The following MEGF9 variants were observed in gnomAD, a reference collection of about 807,000 sequenced individuals.
MEGF9 encodes the protein multiple epidermal growth factor-like domains protein 9.
In MEGF9, 6 loss-of-function variants were observed where a neutral mutation model predicts 46.8. That is an observed-to-expected ratio of 0.13 (90% confidence interval 0.07 to 0.25). MEGF9 has a LOEUF of 0.25. Among genes scored for constraint, MEGF9 ranks in the 10% least tolerant of loss-of-function variants. The pLI is 1.00. For missense variants in MEGF9, 683 were observed against 792.4 expected (o/e 0.86, Z 1.66); for synonymous variants, 302 against 330.7 (o/e 0.91, Z 0.94).
chr9:120,612,189 T>C (rs536887351), intron 4 of MEGF9, among the ~76,000 whole-genome samples: 2 of 152,304 alleles, frequency 1.3e-5, no homozygotes, highest in African/African-American at 4.8e-5. Flanking sequence ...CATTAACTCA[T>C]TATGCAGGTT....
At chr9:120,665,074 A>C (rs1344251323) in intron 1 of MEGF9, among the ~76,000 whole-genome samples, 1 of 152,170 alleles carries the variant, frequency 6.6e-6, no homozygotes, top group Non-Finnish European at 1.5e-5. Context: ...ACAGTTAACT[A>C]TATTTACCCT....
Position 120,607,972 on chromosome 9 carries a change from C to T in MEGF9, c.1126G>A (p.Asp376Asn). 6.2e-7 allele frequency: 1 copy of T among 1,614,004 alleles called. No individual in the cohort carries two copies. Among genetic ancestry groups the T allele is most frequent in the Non-Finnish European group, 8.5e-7 (1 of 1,179,860 alleles). ...ELEPECDQCK[D>N]GYIGPNCNKC... ...TTGCAGTTCGGGCCTATGTAACCAT[C>T]TTTACACTGGTCACATTCAGGTTCC... Residue 376 changes from aspartate (D) to asparagine (N), a missense_variant, in exon 5 of 6, where the codon GAT becomes AAT. By Grantham distance (23) the Asp-to-Asn change is conservative. Transcript: ENST00000373930.
chr9:120,699,356 C>CTT (rs2043892409), intron 1 of MEGF9, among the ~76,000 whole-genome samples: 1 of 151,802 alleles, frequency 6.6e-6, no homozygotes. Flanking sequence ...TATGGGACAG[C>CTT]TTTTTTCTCT....
At chr9:120,607,662 T>G in intron 5 of MEGF9, 79 bp downstream of exon 5, 8 of 1,468,758 alleles carry the variant, frequency 5.4e-6, no homozygotes, top group Non-Finnish European at 6.6e-6. Flanking sequence ...CTGGTAGGGT[T>G]AGAAGGTTTT....
intron 1 of MEGF9, among the ~76,000 whole-genome samples, chr9:120,683,289 T>C (rs1214190695): frequency 6.6e-6 from 1 of 152,184 alleles, no homozygotes; most frequent in Non-Finnish European, 1.5e-5. Context: ...TCATTCTGAT[T>C]TACCCAAAAA....
chr9:120,623,967 T>C (rs917397339), intron 2 of MEGF9, among the ~76,000 whole-genome samples: 1 of 152,254 alleles, frequency 6.6e-6, no homozygotes, highest in East Asian at 1.9e-4. Flanking sequence ...ATGATGGTGT[T>C]TGCCTAACCC....
rs763029660 is a variant in MEGF9, at chr9:120,714,126, G to A, written c.233C>T (p.Pro78Leu). Residue 78 changes from proline (P) to leucine (L), a missense_variant, in exon 1 of 6, where the codon CCG becomes CTG. This residue lies in a region of MEGF9 where 370 missense variants were observed against 371.3 expected (regional missense o/e 1.00). Coordinates refer to ENST00000373930, the MANE Select transcript of MEGF9 (RefSeq NM_001080497.3). The stretch of plus-strand genomic sequence containing the variant: ...GGTGGCGCGCGGGGGCCCGGTCCTC[G>A]GGGCCTGGGCCGTGGGAGCCGTCGC... ...PRATAPTAQA[P>L]RTGPPRATVH... 8.1e-7 allele frequency: 1 copy of A among 1,241,560 alleles called. No individual in the cohort carries two copies. The allele number at this position is 1,241,560 out of a possible 1,614,324, so 76.9% of individuals were successfully genotyped here. A position where few individuals can be genotyped will look rare whatever the true frequency, so the allele number is the denominator to read the frequency against.
intron 1 of MEGF9, among the ~76,000 whole-genome samples, chr9:120,709,571 G>A (rs1211037547): frequency 2.6e-5 from 4 of 152,168 alleles, no homozygotes; most frequent in African/African-American, 9.7e-5. Context: ...TGTAAGAGCT[G>A]TCATGGCACA....
intron 2 of MEGF9, among the ~76,000 whole-genome samples, chr9:120,651,654 A>AT (rs201065785): frequency 0.044 from 6,209 of 142,094 alleles, 339 homozygotes; most frequent in African/African-American, 0.13. Flanking sequence ...GTATAATAGG[A>AT]TTTTTTTTTT....
intron 2 of MEGF9, among the ~76,000 whole-genome samples, chr9:120,623,766 A>C (rs891540245): frequency 6.6e-6 from 1 of 152,210 alleles, no homozygotes. Flanking sequence ...CTCAATAAGA[A>C]GGAACCAGTC....
intron 5 of MEGF9, among the ~76,000 whole-genome samples, chr9:120,606,861 C>T (rs538558225): frequency 7.2e-5 from 11 of 152,138 alleles, no homozygotes; most frequent in African/African-American, 2.2e-4. Flanking sequence ...TAAAAAGAGG[C>T]AAAGTTTATA....
chr9:120,614,041 C>T (rs1293966025), intron 3 of MEGF9, among the ~76,000 whole-genome samples: 3 of 149,182 alleles, frequency 2.0e-5, no homozygotes, highest in East Asian at 2.0e-4. Flanking sequence ...TCTTTTGAGA[C>T]GGAGATCACT....
chr9:120,710,354 G>A (rs564708630), intron 1 of MEGF9, among the ~76,000 whole-genome samples: 1 of 151,310 alleles, frequency 6.6e-6, no homozygotes, highest in Non-Finnish European at 1.5e-5. Context: ...AACCCGGGAG[G>A]TGGAGGTTGT....
At chr9:120,614,243 G>A (rs112711634) in intron 3 of MEGF9, among the ~76,000 whole-genome samples, 5,654 of 152,092 alleles carry the variant, frequency 0.037, 323 homozygotes, top group African/African-American at 0.13. Flanking sequence ...GGCCGGTCTC[G>A]AACTTCTGAC....
At chr9:120,613,488 A>C (rs749337939) in intron 3 of MEGF9, among the ~76,000 whole-genome samples, 3 of 152,048 alleles carry the variant, frequency 2.0e-5, no homozygotes, top group Non-Finnish European at 2.9e-5. Context: ...TTTATTATTA[A>C]TAATTCTGGG....
Position 120,604,941 on chromosome 9 carries a change from A to G in MEGF9, c.*249T>C. ...GCACTATGGGGTTCAGCCTTTCCAT[A>G]CTCCCATGTGGTTTGGTACAAAAAT... is the stretch of plus-strand genomic sequence containing the variant. On this transcript the variant is annotated 3_prime_UTR_variant, in exon 6 of 6. Coordinates refer to ENST00000373930, the MANE Select transcript of MEGF9 (RefSeq NM_001080497.3). 1 of 487,160 alleles carries G rather than the reference A, an allele frequency of 2.1e-6. No homozygotes were observed. 30.2% of individuals were successfully genotyped at this position (487,160 alleles called of 1,614,324 possible).
In MEGF9 at chr9:120,605,892, G is replaced by T. The variant is rs935861100; in HGVS notation, c.1358-251C>A. Among the ~76,000 whole-genome samples the T allele has an allele frequency of 2.0e-5, 3 of 152,030 alleles. No individual in the cohort carries two copies. The highest frequency in any genetic ancestry group is 4.4e-5 in the Non-Finnish European group (3 of 68,000). ...TATAATATCTACATTAAAATCTTTGGGCCGGGCGTGGTGGCTCACACCTGT... is the reference window on the plus strand; with the variant it reads ...TATAATATCTACATTAAAATCTTTGTGCCGGGCGTGGTGGCTCACACCTGT... On this transcript the variant is annotated intron_variant, in intron 5 of 5. Transcript: ENST00000373930. The surrounding 1 kb of genome is among the most constrained non-coding windows in gnomAD (Gnocchi z 4.0).
intron 1 of MEGF9, among the ~76,000 whole-genome samples, chr9:120,693,292 A>AAAAG (rs781577309): frequency 7.5e-5 from 11 of 147,546 alleles, no homozygotes; most frequent in East Asian, 1.9e-4. Flanking sequence ...AAAAAAAAAA[A>AAAAG]AAGAAGAAGA....
chr9:120,632,427 T>G (rs1302266127), intron 2 of MEGF9, among the ~76,000 whole-genome samples: 1 of 152,066 alleles, frequency 6.6e-6, no homozygotes, highest in African/African-American at 2.4e-5. Flanking sequence ...AAAACAGCAC[T>G]GATTTTTTAT....
Sources: gnomAD v4.1 joint callset for allele counts (sites outside exome capture counted in the v4.1 genomes callset) on GRCh38, gnomAD v4.1.1 for gene constraint, gnomAD v4.1.1 regional missense constraint, Gnocchi (gnomAD v3.1) non-coding constraint, MANE v1.5 for transcripts, NCBI Gene and HGNC (gene_info 2026-07-23, HGNC 2026-07-21) for gene names.